The following LSAMP variants were observed in gnomAD, a reference collection of about 807,000 sequenced individuals.
LSAMP encodes limbic system-associated membrane protein.
Under a neutral mutation model 38.6 loss-of-function variants are expected in LSAMP, and 7 were observed. That is an observed-to-expected ratio of 0.18 (90% CI 0.10 to 0.34). LSAMP has a LOEUF of 0.34. Ranked by LOEUF, LSAMP falls within the 10% of genes least tolerant of loss-of-function variation. The probability of loss-of-function intolerance (pLI) is 1.00; values close to 1 mark genes in which losing one functional copy is unlikely to be tolerated. For missense variants in LSAMP, 313 were observed against 420.0 expected (o/e 0.75, Z 2.23); for synonymous variants, 154 against 166.8 (o/e 0.92, Z 0.59).
At chr3:115,934,627 T>G (rs905205848) in intron 3 of LSAMP, among the ~76,000 whole-genome samples, 1 of 152,198 alleles carries the variant, frequency 6.6e-6, no homozygotes, top group Admixed American at 6.5e-5. Flanking sequence ...AACTAATGGT[T>G]TGAGTAGATA....
At chr3:116,088,367 C>G (rs1285362187) in intron 1 of LSAMP, among the ~76,000 whole-genome samples, 4 of 152,122 alleles carry the variant, frequency 2.6e-5, no homozygotes, top group Admixed American at 2.6e-4. Context: ...ATTTAGAGGC[C>G]TTTTATCATG....
intron 3 of LSAMP, among the ~76,000 whole-genome samples, chr3:115,957,311 C>T (rs1025685666): frequency 2.6e-5 from 4 of 152,270 alleles, no homozygotes; most frequent in East Asian, 1.9e-4. Context: ...ACAAATGGCT[C>T]GTGTTGAAAA....
intron 1 of LSAMP, among the ~76,000 whole-genome samples, chr3:116,133,621 A>G (rs1709183087): frequency 6.6e-6 from 1 of 152,094 alleles, no homozygotes; most frequent in Admixed American, 6.6e-5. Context: ...CTCTTTCCAT[A>G]TTTAAATTGA....
chr3:116,439,438 T>G (rs1032934504), intron 1 of LSAMP, among the ~76,000 whole-genome samples: 15 of 151,998 alleles, frequency 9.9e-5, no homozygotes, highest in African/African-American at 3.6e-4. Context: ...TTCTCAGACT[T>G]ACCAGGGACC....
chr3:116,347,162 T>C (rs1316389948), intron 1 of LSAMP, among the ~76,000 whole-genome samples: 1 of 152,182 alleles, frequency 6.6e-6, no homozygotes, highest in East Asian at 1.9e-4. Context: ...GTGCTGATAC[T>C]TTTATACTTA....
chr3:115,878,076 T>C (rs1362848539), intron 3 of LSAMP, among the ~76,000 whole-genome samples: 1 of 152,106 alleles, frequency 6.6e-6, no homozygotes, highest in East Asian at 1.9e-4. Flanking sequence ...GCAGTATATG[T>C]GAAGTGTGGG....
intron 1 of LSAMP, among the ~76,000 whole-genome samples, chr3:116,241,046 G>A (rs571628976): frequency 8.6e-5 from 13 of 151,552 alleles, no homozygotes; most frequent in Non-Finnish European, 1.3e-4. Context: ...GCATGGTGGC[G>A]CATGCCTGTA....
chr3:116,203,921 T>A (rs1390645577), intron 1 of LSAMP, among the ~76,000 whole-genome samples: 2 of 152,176 alleles, frequency 1.3e-5, no homozygotes, highest in Non-Finnish European at 2.9e-5. Context: ...TACCCAGTAA[T>A]GGGATGGCTG....
rs970193280 is a variant in LSAMP at position 116,107,831 on chromosome 3, G to A, written c.156-21275C>T. ...GCAGAACAGAATAATGGATTGTGGA[G>A]GGAGGTATTGAGGATAGGAGAGTAT... is the stretch of plus-strand genomic sequence containing the variant. On this transcript the variant is annotated intron_variant, in intron 1 of 6. Transcript: ENST00000490035. Among the ~76,000 whole-genome samples the A allele has an allele frequency of 5.9e-5, 9 of 152,278 alleles. No homozygotes were observed. In the South Asian group the frequency reaches 1.7e-3, roughly 28 times the overall value.
At chr3:116,114,981 T>C (rs1307221415) in intron 1 of LSAMP, among the ~76,000 whole-genome samples, 1 of 152,236 alleles carries the variant, frequency 6.6e-6, no homozygotes, top group East Asian at 1.9e-4. Context: ...TGCTTTTCAA[T>C]AGGATTTTAT....
chr3:115,889,854 T>A (rs1201725997), intron 3 of LSAMP, among the ~76,000 whole-genome samples: 4 of 151,854 alleles, frequency 2.6e-5, no homozygotes, highest in Non-Finnish European at 4.4e-5. Context: ...ACTAAAACAA[T>A]GCGAAAAACA....
intron 4 of LSAMP, among the ~76,000 whole-genome samples, chr3:115,845,310 A>G (rs2107510571): frequency 6.6e-6 from 1 of 152,312 alleles, no homozygotes; most frequent in Admixed American, 6.5e-5. Flanking sequence ...GGCTGAAGAT[A>G]ATTTTGCTTA....
chr3:115,995,727 T>A (rs1420218407), intron 3 of LSAMP, among the ~76,000 whole-genome samples: 1 of 152,102 alleles, frequency 6.6e-6, no homozygotes, highest in Admixed American at 6.6e-5. Flanking sequence ...AGGACAGAAG[T>A]ATCATTCAAT....
chr3:116,069,299 T>A (rs1287876918), intron 2 of LSAMP, among the ~76,000 whole-genome samples: 1 of 152,204 alleles, frequency 6.6e-6, no homozygotes, highest in Non-Finnish European at 1.5e-5. Context: ...TGGCTAACTC[T>A]ACCTTCACAA....
Position 116,377,484 on chromosome 3 carries a change from T to G in LSAMP, c.155+67393A>C, listed in dbSNP as rs1039646383. Among the ~76,000 whole-genome samples the G allele has an allele frequency of 3.9e-5, 6 of 152,226 alleles. No homozygotes were observed. In the South Asian group the frequency reaches 1.2e-3, roughly 32 times the overall value. Reference sequence around the variant, plus strand: ...TTTTCTTTATCCATTCCATCATTGATGGGCATTTGGGTTGATTCCATGTCT... The same window carrying G: ...TTTTCTTTATCCATTCCATCATTGAGGGGCATTTGGGTTGATTCCATGTCT... On this transcript the variant is annotated intron_variant, in intron 1 of 6. Transcript: ENST00000490035.
intron 1 of LSAMP, among the ~76,000 whole-genome samples, chr3:116,130,637 T>G (rs986935993): frequency 2.6e-5 from 4 of 152,300 alleles, no homozygotes; most frequent in African/African-American, 9.6e-5. Context: ...GAATCCAAAA[T>G]AATCTATTCT....
intron 2 of LSAMP, among the ~76,000 whole-genome samples, chr3:116,029,385 T>A (rs1940866745): frequency 6.6e-6 from 1 of 152,136 alleles, no homozygotes; most frequent in Non-Finnish European, 1.5e-5. Context: ...ACAGAAACTA[T>A]AGCTTCTTTG....
At chr3:116,324,612 G>A (rs999525846) in intron 1 of LSAMP, among the ~76,000 whole-genome samples, 4 of 152,226 alleles carry the variant, frequency 2.6e-5, no homozygotes, top group Admixed American at 6.5e-5. Context: ...TAAGGCTTTA[G>A]TCTCCCCTGG....
chr3:116,129,199 G>A (rs1315262176), intron 1 of LSAMP, among the ~76,000 whole-genome samples: 2 of 152,116 alleles, frequency 1.3e-5, no homozygotes, highest in African/African-American at 2.4e-5. Flanking sequence ...ATAGAGGAGT[G>A]TCAGATAATA....
Sources: allele counts gnomAD v4.1 joint callset (sites outside exome capture counted in the v4.1 genomes callset), GRCh38; gene constraint gnomAD v4.1.1; transcripts MANE v1.5; gene names NCBI Gene and HGNC (gene_info 2026-07-23, HGNC 2026-07-21).